Variants in CAPZB observed in about 807,000 individuals in gnomAD.
CAPZB encodes the protein capping actin protein of muscle Z-line subunit beta.
A neutral mutation model predicts 38.1 loss-of-function variants in CAPZB; 2 were observed. The ratio of observed to expected loss-of-function variants is 0.05; its 90% confidence interval spans 0.02 to 0.17. The LOEUF (loss-of-function observed/expected upper bound fraction) is 0.17, where lower values mean the gene tolerates loss of function less well. Among genes scored for constraint, CAPZB ranks in the 10% least tolerant of loss-of-function variants. The pLI is 1.00. For missense variants in CAPZB, 161 were observed against 334.2 expected (o/e 0.48, Z 4.04); for synonymous variants, 107 against 127.4 (o/e 0.84, Z 1.08).
At chr1:19,423,656 C>A (rs983668612) in intron 1 of CAPZB, among the ~76,000 whole-genome samples, 5 of 151,510 alleles carry the variant, frequency 3.3e-5, no homozygotes, top group East Asian at 2.0e-4. Flanking sequence ...TCCTAAGTAG[C>A]TTGGATTACA....
chr1:19,394,938 G>C (rs144985683), intron 2 of CAPZB, among the ~76,000 whole-genome samples: 149 of 152,172 alleles, frequency 9.8e-4, no homozygotes, highest in Non-Finnish European at 1.3e-3. Flanking sequence ...ATGACGCAGG[G>C]AGACAGCAGC....
chr1:19,340,281 C>T (rs1210996523), intron 8 of CAPZB, among the ~76,000 whole-genome samples: 2 of 152,166 alleles, frequency 1.3e-5, no homozygotes, highest in Admixed American at 6.5e-5. Flanking sequence ...AGGCACCATC[C>T]GCTGTTAACT....
At chr1:19,407,672 C>A (rs2094338625) in intron 2 of CAPZB, among the ~76,000 whole-genome samples, 1 of 152,098 alleles carries the variant, frequency 6.6e-6, no homozygotes. Context: ...GCTGGCTTGT[C>A]CTTGGACACT....
At chr1:19,468,909 C>T (rs1474375513) in intron 1 of CAPZB, among the ~76,000 whole-genome samples, 2 of 152,202 alleles carry the variant, frequency 1.3e-5, no homozygotes, top group Non-Finnish European at 2.9e-5. Context: ...AATCTCTCAG[C>T]GAGACGCCTC....
intron 3 of CAPZB, among the ~76,000 whole-genome samples, chr1:19,379,102 T>TTTTTTTTTTC (rs2094159833): frequency 6.9e-6 from 1 of 145,548 alleles, no homozygotes; most frequent in Non-Finnish European, 1.5e-5. Context: ...TTTTCTTTCT[T>TTTTTTTTTTC]TTTTTTTTTT....
At chr1:19,382,172 T>A (rs1046309946) in intron 3 of CAPZB, among the ~76,000 whole-genome samples, 1 of 152,140 alleles carries the variant, frequency 6.6e-6, no homozygotes, top group Non-Finnish European at 1.5e-5. Context: ...GGCCTGCAAT[T>A]TGCAAGAAGC....
chr1:19,366,307 T>TATAA (rs1185510538), intron 4 of CAPZB, among the ~76,000 whole-genome samples: 3 of 74,168 alleles, frequency 4.0e-5, no homozygotes, highest in East Asian at 3.8e-4. Flanking sequence ...TATATATATA[T>TATAA]ATAAATAAAA....
Position 19,345,077 on chromosome 1 carries a change from G to A in CAPZB, c.654+110C>T, listed in dbSNP as rs1461932675. The A allele has an allele frequency of 7.4e-5, 62 of 833,374 alleles. 1 individual carries two copies. Among genetic ancestry groups the A allele is most frequent in the South Asian group, 6.1e-4 (44 of 71,986 alleles). The allele number at this position is 833,374 out of a possible 1,614,324, so 51.6% of individuals were successfully genotyped here. A position where few individuals can be genotyped will look rare whatever the true frequency, so the allele number is the denominator to read the frequency against. On this transcript the variant is annotated intron_variant, in intron 7 of 8. Coordinates refer to ENST00000264202, the MANE Select transcript of CAPZB (RefSeq NM_004930.5). ...ATCCAAGAAGCGCTCTGCCGGCTGC[G>A]GTGGAGCTGAGAGAAAGCAGCAGAG...
chr1:19,461,813 G>A (rs1320033633), intron 1 of CAPZB, among the ~76,000 whole-genome samples: 1 of 152,134 alleles, frequency 6.6e-6, no homozygotes, highest in African/African-American at 2.4e-5. Flanking sequence ...TACCCTCACT[G>A]AGCCTCAGTT....
rs71008151 is a variant in CAPZB, at chr1:19,366,283, A to AATAAATATATATATATATATATAT, written c.330-8721_330-8720insATATATATATATATATATATTTAT. Among the ~76,000 whole-genome samples the AATAAATATATATATATATATATAT allele has an allele frequency of 1.4e-3, 83 of 60,476 alleles. 2 individuals carry two copies. The highest frequency in any genetic ancestry group is 2.0e-3 in the Non-Finnish European group (59 of 28,970). The allele number at this position is 60,476 out of a possible 152,430, so 39.7% of individuals were successfully genotyped here. A position where few individuals can be genotyped will look rare whatever the true frequency, so the allele number is the denominator to read the frequency against. ...GCAACATAGTGAGACCGTGTCTTAAAATATATATATATATATATATATATA... is the reference window on the plus strand; with the variant it reads ...GCAACATAGTGAGACCGTGTCTTAAAATAAATATATATATATATATATATATATATATATATATATATATATATA... On this transcript the variant is annotated intron_variant, in intron 4 of 8. Transcript: ENST00000264202.
intron 6 of CAPZB, 88 bp from the exon 7 acceptor site, chr1:19,345,340 A>G (rs2093954589): frequency 1.8e-6 from 2 of 1,082,590 alleles, no homozygotes; most frequent in African/African-American, 3.1e-5. Context: ...CGGTCTGCAA[A>G]GAGCCTACTG....
At chr1:19,366,912 C>T (rs2100365536) in intron 4 of CAPZB, among the ~76,000 whole-genome samples, 1 of 152,332 alleles carries the variant, frequency 6.6e-6, no homozygotes, top group African/African-American at 2.4e-5. Context: ...ATCCTTACAA[C>T]AAAACAGGCA....
chr1:19,385,853 TAC>T (rs1166260696), intron 2 of CAPZB: 6 of 660,522 alleles, frequency 9.1e-6, no homozygotes, highest in Middle Eastern at 3.4e-4. Context: ...TGATTTCTAA[TAC>T]AGTCTTCCTT....
chr1:19,452,558 C>T (rs1353984689), intron 1 of CAPZB, among the ~76,000 whole-genome samples: 1 of 152,184 alleles, frequency 6.6e-6, no homozygotes, highest in Non-Finnish European at 1.5e-5. Flanking sequence ...CACGTACACA[C>T]CCTGAAGGCA....
chr1:19,340,657 C>A (rs1389462753), intron 8 of CAPZB, among the ~76,000 whole-genome samples: 1 of 151,814 alleles, frequency 6.6e-6, no homozygotes, highest in African/African-American at 2.4e-5. Context: ...CATAGTGAGA[C>A]CCCATCTCTA....
intron 2 of CAPZB, among the ~76,000 whole-genome samples, chr1:19,397,549 T>C (rs2094278426): frequency 6.6e-6 from 1 of 152,200 alleles, no homozygotes; most frequent in Non-Finnish European, 1.5e-5. Flanking sequence ...AGTCACCAGC[T>C]GGATGGTGGC....
At chr1:19,381,038 A>AGCG (rs1302627424) in intron 3 of CAPZB, among the ~76,000 whole-genome samples, 2 of 151,910 alleles carry the variant, frequency 1.3e-5, no homozygotes, top group African/African-American at 2.4e-5. Flanking sequence ...GTGTGGTGGC[A>AGCG]TGCACCTGTA....
chr1:19,452,358 A>G (rs776565678), intron 1 of CAPZB, among the ~76,000 whole-genome samples: 2 of 152,152 alleles, frequency 1.3e-5, no homozygotes, highest in Non-Finnish European at 2.9e-5. Context: ...GCTCCAGGGG[A>G]GCAAAGGAAG....
intron 6 of CAPZB, among the ~76,000 whole-genome samples, chr1:19,345,663 G>T (rs912673380): frequency 6.6e-6 from 1 of 152,278 alleles, no homozygotes; most frequent in African/African-American, 2.4e-5. Flanking sequence ...GCCTGACACT[G>T]CAGGGGAAGC....
Sources: allele counts gnomAD v4.1 joint callset (sites outside exome capture counted in the v4.1 genomes callset), GRCh38; gene constraint gnomAD v4.1.1; transcripts MANE v1.5; gene names NCBI Gene and HGNC (gene_info 2026-07-23, HGNC 2026-07-21).